The following BCAP29 variants were observed in gnomAD, a reference collection of about 807,000 sequenced individuals.
The protein encoded by BCAP29 is B-cell receptor-associated protein 29.
A neutral mutation model predicts 31.8 loss-of-function variants in BCAP29; 34 were observed. The ratio of observed to expected loss-of-function variants is 1.07; its 90% CI spans 0.81 to 1.42. BCAP29 has a LOEUF of 1.42. Ranked by LOEUF, BCAP29 falls within the 40% of genes most tolerant of loss-of-function variation. The pLI is 0.00. For missense variants in BCAP29, 314 were observed against 269.2 expected, an observed-to-expected ratio of 1.17 and a Z score of -1.16; for synonymous variants, 104 against 91.3, an observed-to-expected ratio of 1.14 and a Z score of -0.79.
intron 3 of BCAP29, among the ~76,000 whole-genome samples, chr7:107,591,986 C>T (rs376415739): frequency 6.6e-6 from 1 of 151,724 alleles, no homozygotes; most frequent in East Asian, 1.9e-4. Flanking sequence ...AGGGTCTTGC[C>T]ATTTTGCGCA....
At chr7:107,581,038 C>G (rs973035389) in intron 2 of BCAP29, among the ~76,000 whole-genome samples, 174 bp downstream of exon 2, 30 of 152,116 alleles carry the variant, frequency 2.0e-4, no homozygotes, top group Non-Finnish European at 3.8e-4. Flanking sequence ...AACTCTGTTA[C>G]GTGTACAAGT....
At chr7:107,595,446 G>A (rs1809639866) in intron 4 of BCAP29, among the ~76,000 whole-genome samples, 2 of 152,122 alleles carry the variant, frequency 1.3e-5, no homozygotes, top group South Asian at 4.1e-4. Flanking sequence ...TTCTAACAAT[G>A]GCAGTTACAC....
chr7:107,612,392 TA>T (rs1170060411), intron 6 of BCAP29, among the ~76,000 whole-genome samples: 306 of 5,276 alleles, frequency 0.058, 5 homozygotes, highest in African/African-American at 0.13. Flanking sequence ...TGTATTGTTT[TA>T]TATATATATA....
chr7:107,615,552 C>T (rs766029997), intron 7 of BCAP29: 19 of 288,194 alleles, frequency 6.6e-5, no homozygotes, highest in Admixed American at 2.0e-4. Flanking sequence ...GCCGAGATCG[C>T]GCTTTTGCAC....
chr7:107,613,836 A>G (rs1377767225), intron 7 of BCAP29: 2 of 790,118 alleles, frequency 2.5e-6, no homozygotes, highest in African/African-American at 3.6e-5. Context: ...TAGACATATT[A>G]GGACAAGACT....
At chr7:107,580,696 C>T (rs1043640669) in intron 1 of BCAP29, 63 bp from the exon 2 acceptor site, 3 of 1,155,972 alleles carry the variant, frequency 2.6e-6, no homozygotes. Context: ...CGCTGCGCCT[C>T]GGGGCCTTGA....
intron 6 of BCAP29, among the ~76,000 whole-genome samples, chr7:107,606,772 A>G (rs889664214): frequency 3.3e-5 from 5 of 152,212 alleles, no homozygotes; most frequent in Non-Finnish European, 5.9e-5. Flanking sequence ...AGAAATTAGC[A>G]TGTTCTTTTC....
chr7:107,614,386 A>C (rs2129290437), intron 7 of BCAP29, among the ~76,000 whole-genome samples: 1 of 152,342 alleles, frequency 6.6e-6, no homozygotes, highest in South Asian at 2.1e-4. Context: ...GGCAGGTTAT[A>C]GCATCCCTTT....
chr7:107,606,186 A>G (rs1289577215), intron 6 of BCAP29, among the ~76,000 whole-genome samples: 5 of 152,188 alleles, frequency 3.3e-5, no homozygotes, highest in Admixed American at 6.5e-5. Flanking sequence ...GCTAAGTTAT[A>G]TGAATTACAT....
chr7:107,594,210 A>G (rs1332540184), intron 4 of BCAP29, 105 bp downstream of exon 4: 4 of 1,062,396 alleles, frequency 3.8e-6, no homozygotes, highest in Non-Finnish European at 4.0e-6. Flanking sequence ...TTTAAGAGAG[A>G]CAACCTTTCG....
chr7:107,618,273 C>A, intron 7 of BCAP29, 55 bp from the exon 8 acceptor site: 2 of 1,275,130 alleles, frequency 1.6e-6, no homozygotes, highest in Non-Finnish European at 2.2e-6. Context: ...CTTGTCATGT[C>A]TATGAATCTG....
intron 6 of BCAP29, among the ~76,000 whole-genome samples, chr7:107,607,914 A>G (rs1163670486): frequency 6.6e-6 from 1 of 152,138 alleles, no homozygotes; most frequent in Admixed American, 6.5e-5. Flanking sequence ...CTGGAATTGC[A>G]GATGTGAGCC....
In BCAP29 at chr7:107,580,778, A is replaced by G. The variant is rs147480624; in HGVS notation, c.6A>G (p.Thr2=). 3.8e-6 allele frequency: 6 copies of G among 1,593,004 alleles called. No individual in the cohort carries two copies. In the Admixed American group the frequency reaches 1.1e-4, roughly 29 times the overall value. M[T]LQWAAVATFL... ...ATTTAGGTGTGAAGAAAAAAATGACACTCCAATGGGCTGCAGTGGCAACCT... is the reference window on the plus strand; with the variant it reads ...ATTTAGGTGTGAAGAAAAAAATGACGCTCCAATGGGCTGCAGTGGCAACCT... The change falls in exon 2 of 8, where the codon ACA becomes ACG. Residue 2 remains threonine (T), a synonymous_variant. Transcript: ENST00000005259.
At chr7:107,606,284 G>A (rs1232530678) in intron 6 of BCAP29, among the ~76,000 whole-genome samples, 1 of 152,302 alleles carries the variant, frequency 6.6e-6, no homozygotes, top group East Asian at 1.9e-4. Context: ...ATGAGAGACT[G>A]AACTAGTTAA....
intron 6 of BCAP29, among the ~76,000 whole-genome samples, chr7:107,611,172 C>A (rs1813058276): frequency 6.6e-6 from 1 of 152,116 alleles, no homozygotes; most frequent in South Asian, 2.1e-4. Context: ...CTAATCACTC[C>A]CCAGCCACGC....
At chr7:107,581,702 G>A (rs1359974219) in intron 2 of BCAP29, among the ~76,000 whole-genome samples, 1 of 152,138 alleles carries the variant, frequency 6.6e-6, no homozygotes, top group African/African-American at 2.4e-5. Context: ...TCCCAGGACT[G>A]GGAGAAACTT....
chr7:107,597,339 G>A (rs1455461818), intron 5 of BCAP29, among the ~76,000 whole-genome samples: 3 of 151,924 alleles, frequency 2.0e-5, no homozygotes, highest in East Asian at 1.9e-4. Flanking sequence ...GCCTCCAGAA[G>A]TGCTGGGATT....
rs575937982 is a variant in BCAP29, at chr7:107,616,656, C to T, written c.691-1672C>T. ...CCTGACTGGTTACATTTTTTTCCTT[C>T]ACCTACCCATCCCCCACCGTTGTCC... On this transcript the variant is annotated intron_variant, in intron 7 of 7. Transcript: ENST00000005259. 8.5e-5 allele frequency among the ~76,000 whole-genome samples: 13 copies of T among 152,138 alleles called. No individual in the cohort carries two copies. The South Asian group carries it at 2.5e-3, about 29-fold the overall frequency.
At chr7:107,596,124 A>G (rs988955362) in intron 5 of BCAP29, 122 bp downstream of exon 5, 1 of 802,614 alleles carries the variant, frequency 1.2e-6, no homozygotes, top group Non-Finnish European at 1.8e-6. Context: ...ATAATTAACA[A>G]TATTTTATGT....
Sources: allele counts gnomAD v4.1 joint callset (sites outside exome capture counted in the v4.1 genomes callset), GRCh38; gene constraint gnomAD v4.1.1; transcripts MANE v1.5; gene names NCBI Gene and HGNC (gene_info 2026-07-23, HGNC 2026-07-21).